KCNJ16: variants seen among roughly 807,000 people sequenced by gnomAD.
The protein encoded by KCNJ16 is potassium inwardly rectifying channel subfamily J member 16.
A neutral mutation model predicts 18.5 loss-of-function variants in KCNJ16; 15 were observed. The ratio of observed to expected loss-of-function variants is 0.81; its 90% CI spans 0.54 to 1.25. The LOEUF is 1.25. KCNJ16 is among the 50% of genes most tolerant of loss of function. KCNJ16 has a pLI of 0.00. For synonymous variants in KCNJ16, 174 were observed against 186.5 expected (o/e 0.93, Z 0.55); for missense variants, 523 against 525.7 (o/e 0.99, Z 0.05).
At chr17:70,099,021 C>T (rs565718721) in intron 1 of KCNJ16, among the ~76,000 whole-genome samples, 3 of 152,138 alleles carry the variant, frequency 2.0e-5, no homozygotes, top group African/African-American at 4.8e-5. Flanking sequence ...ATCAGCCATG[C>T]GTGGAGTATT....
chr17:70,080,157 A>C (rs919796260), intron 1 of KCNJ16, among the ~76,000 whole-genome samples: 1 of 152,174 alleles, frequency 6.6e-6, no homozygotes, highest in Non-Finnish European at 1.5e-5. Flanking sequence ...CATTAAAATC[A>C]CTATCCATAT....
At chr17:70,085,230 T>C (rs1315561916) in intron 1 of KCNJ16, among the ~76,000 whole-genome samples, 1 of 152,224 alleles carries the variant, frequency 6.6e-6, no homozygotes, top group Non-Finnish European at 1.5e-5. Context: ...CAAAGGAACA[T>C]GTGTCAGACA....
intron 2 of KCNJ16, among the ~76,000 whole-genome samples, chr17:70,124,817 G>A (rs2073792469): frequency 6.6e-6 from 1 of 152,120 alleles, no homozygotes; most frequent in Non-Finnish European, 1.5e-5. Flanking sequence ...GTCTCCTTTA[G>A]GCTCGTTCCT....
Position 70,130,941 on chromosome 17 carries a change from T to G in KCNJ16, c.-128T>G. 6.5e-7 allele frequency: 1 copy of G among 1,534,142 alleles called. No homozygotes were observed. The highest frequency in any genetic ancestry group is 8.7e-7 in the Non-Finnish European group (1 of 1,145,208). ...TTTCACTTTGACTTGAGCTGGGAAA[T>G]CCTTTGGCCTATTATACCATGGATG... is the stretch of plus-strand genomic sequence containing the variant. On this transcript the variant is annotated 5_prime_UTR_variant, in exon 3 of 4. Transcript: ENST00000392671.
Position 70,130,914 on chromosome 17 carries a change from A to T in KCNJ16, c.-155A>T. 1 of 1,516,494 alleles carries T rather than the reference A, an allele frequency of 6.6e-7. No individual in the cohort carries two copies. Among genetic ancestry groups the T allele is most frequent in the Non-Finnish European group, 8.9e-7 (1 of 1,129,226 alleles). The allele number at this position is 1,516,494 out of a possible 1,614,324, so 93.9% of individuals were successfully genotyped here. A position where few individuals can be genotyped will look rare whatever the true frequency, so the allele number is the denominator to read the frequency against. On this transcript the variant is annotated 5_prime_UTR_variant, in exon 3 of 4. It removes the in-frame stop codon of an upstream open reading frame in the 5' UTR. Coordinates refer to ENST00000392671, the MANE Select transcript of KCNJ16 (RefSeq NM_170741.4). ...AGATGATTTTGATGTTGCAGTTTTA[A>T]ATTTCACTTTGACTTGAGCTGGGAA...
chr17:70,122,975 T>C lies in KCNJ16; in HGVS notation c.-190-7904T>C, dbSNP rs532118364. ...CAGTCATGATCATCTCTTACCTCAT[T>C]GTTGAAACAGCTTTCTGGTTTACCT... On this transcript the variant is annotated intron_variant, in intron 2 of 3. Coordinates refer to ENST00000392671, the MANE Select transcript of KCNJ16 (RefSeq NM_170741.4). Among the ~76,000 whole-genome samples the C allele has an allele frequency of 2.0e-5, 3 of 152,324 alleles. No individual in the cohort carries two copies. In the East Asian group the frequency reaches 5.8e-4, roughly 29 times the overall value.
chr17:70,104,107 C>T (rs1420143084), intron 2 of KCNJ16, among the ~76,000 whole-genome samples: 2 of 151,806 alleles, frequency 1.3e-5, no homozygotes, highest in Non-Finnish European at 2.9e-5. Flanking sequence ...GGACTACAGG[C>T]ACATGCTACT....
intron 1 of KCNJ16, among the ~76,000 whole-genome samples, chr17:70,086,543 TTCA>T (rs2071804004): frequency 6.6e-6 from 1 of 152,226 alleles, no homozygotes; most frequent in Non-Finnish European, 1.5e-5. Flanking sequence ...TGGTTATTTA[TTCA>T]TCATTTTTTT....
chr17:70,103,508 C>A (rs1311497316), intron 2 of KCNJ16, among the ~76,000 whole-genome samples: 1 of 151,726 alleles, frequency 6.6e-6, no homozygotes, highest in Non-Finnish European at 1.5e-5. Context: ...CTTCGTATCA[C>A]ATGTCACAAT....
At position 70,132,030 on chromosome 17, in the gene KCNJ16, A is replaced by C. The variant is rs754635090; in HGVS notation, c.-58A>C. On this transcript the variant is annotated 5_prime_UTR_variant, in exon 4 of 4. Coordinates refer to ENST00000392671, the MANE Select transcript of KCNJ16 (RefSeq NM_170741.4). ...AAAACCCAAACCAAGAAATAGCAAC[A>C]AGTCTAGAATTCTTACTACTACAAA... is the stretch of plus-strand genomic sequence containing the variant. The C allele has an allele frequency of 5.6e-6, 9 of 1,606,692 alleles. No homozygotes were observed. The highest frequency in any genetic ancestry group is 6.8e-6 in the Non-Finnish European group (8 of 1,176,736).
chr17:70,092,555 TAGATGATAGATATA>T (rs1567782567), intron 1 of KCNJ16, among the ~76,000 whole-genome samples: 8 of 105,512 alleles, frequency 7.6e-5, no homozygotes, highest in African/African-American at 2.8e-4. Flanking sequence ...TAGATATAGA[TAGATGATAGATATA>T]GATAGATAGA....
intron 1 of KCNJ16, among the ~76,000 whole-genome samples, chr17:70,095,730 C>T (rs1010175547): frequency 1.3e-5 from 2 of 151,940 alleles, no homozygotes; most frequent in Admixed American, 1.3e-4. Flanking sequence ...TTAGCCCTGC[C>T]CAGATTTAGG....
At chr17:70,118,225 CAG>C (rs2073488237) in intron 2 of KCNJ16, among the ~76,000 whole-genome samples, 1 of 151,734 alleles carries the variant, frequency 6.6e-6, no homozygotes, top group Admixed American at 6.6e-5. Flanking sequence ...CACAGGGACA[CAG>C]AGAGGGGAAC....
At position 70,134,508 on chromosome 17, in the gene KCNJ16, CTGAGTA is replaced by C. The variant is rs1350585929; in HGVS notation, c.*1165_*1170del. The C allele has an allele frequency of 1.5e-4, 25 of 166,900 alleles. No individual in the cohort carries two copies. Among genetic ancestry groups the C allele is most frequent in the Non-Finnish European group, 1.5e-5 (1 of 68,100 alleles). 10.3% of individuals were successfully genotyped at this position (166,900 alleles called of 1,614,324 possible). ...TTTGAATGCACAGTAAGTGGATAAT[CTGAGTA>C]CAATGAAATTTCTTAAGTTTTAGAA... On this transcript the variant is annotated 3_prime_UTR_variant, in exon 4 of 4. Coordinates refer to ENST00000392671, the MANE Select transcript of KCNJ16 (RefSeq NM_170741.4).
At chr17:70,104,864 T>C (rs2072839038) in intron 2 of KCNJ16, 1 of 152,820 alleles carries the variant, frequency 6.5e-6, no homozygotes, top group South Asian at 2.1e-4. Flanking sequence ...GAGAACTCAG[T>C]GGCCTTTGTC....
rs560428834 is a variant in KCNJ16, at chr17:70,097,043, G to T, written c.-299-3615G>T. 3.1e-5 allele frequency: 12 copies of T among 389,782 alleles called. No individual in the cohort carries two copies. The South Asian group carries it at 1.2e-3, about 40-fold the overall frequency. 24.1% of individuals were successfully genotyped at this position (389,782 alleles called of 1,614,324 possible). Reference sequence around the variant, plus strand: ...TCCATGGTGAAATGCTCATTTTGCAGACACGATATTGTGTAAGTTTTATTT... The same window carrying T: ...TCCATGGTGAAATGCTCATTTTGCATACACGATATTGTGTAAGTTTTATTT... On this transcript the variant is annotated intron_variant, in intron 1 of 3. Transcript: ENST00000392671.
intron 2 of KCNJ16, among the ~76,000 whole-genome samples, chr17:70,103,319 T>TACACAC (rs1199138346): frequency 4.8e-5 from 1 of 20,746 alleles, no homozygotes; most frequent in Non-Finnish European, 1.1e-4. Context: ...TATATATATA[T>TACACAC]ATACACACAC....
intron 1 of KCNJ16, among the ~76,000 whole-genome samples, chr17:70,084,254 T>A (rs1379225411): frequency 6.6e-6 from 1 of 152,182 alleles, no homozygotes; most frequent in East Asian, 1.9e-4. Context: ...AGACACGTAG[T>A]CTCAGTTAGT....
chr17:70,075,805 C>G (rs1263308773), intron 1 of KCNJ16, among the ~76,000 whole-genome samples: 1 of 148,586 alleles, frequency 6.7e-6, no homozygotes, highest in Middle Eastern at 3.5e-3. Flanking sequence ...GTATTTTATA[C>G]CCCCCTCTTA....
Sources: gnomAD v4.1 joint callset for allele counts (sites outside exome capture counted in the v4.1 genomes callset) on GRCh38, gnomAD v4.1.1 for gene constraint, MANE v1.5 for transcripts, NCBI Gene and HGNC (gene_info 2026-07-23, HGNC 2026-07-21) for gene names.